The following STK39 variants were observed in gnomAD, a reference collection of about 807,000 sequenced individuals.
STK39 encodes the protein STE20/SPS1-related proline-alanine-rich protein kinase.
A neutral mutation model predicts 77.8 loss-of-function variants in STK39; 20 were observed. The ratio of observed to expected loss-of-function variants is 0.26; its 90% CI spans 0.18 to 0.37. The LOEUF (loss-of-function observed/expected upper bound fraction) is 0.37. STK39 is among the 10% of genes least tolerant of loss of function. STK39 has a pLI of 1.00. For missense variants in STK39, 479 were observed against 656.5 expected, an observed-to-expected ratio of 0.73 and a Z score of 2.95; for synonymous variants, 246 against 234.1, an observed-to-expected ratio of 1.05 and a Z score of -0.47.
intron 10 of STK39, among the ~76,000 whole-genome samples, chr2:168,085,197 G>A (rs1235376679): frequency 1.3e-5 from 2 of 152,222 alleles, no homozygotes; most frequent in Admixed American, 6.5e-5. Flanking sequence ...GAAGCAGTCT[G>A]AGAAGGCTCC....
chr2:168,193,892 A>T (rs1689403014), intron 1 of STK39, among the ~76,000 whole-genome samples: 2 of 152,254 alleles, frequency 1.3e-5, no homozygotes, highest in South Asian at 4.1e-4. Context: ...ACTTCCCTAA[A>T]TTATCCCCGA....
At chr2:168,072,254 ACT>A (rs1246522676) in intron 12 of STK39, among the ~76,000 whole-genome samples, 2 of 152,174 alleles carry the variant, frequency 1.3e-5, no homozygotes, top group African/African-American at 4.8e-5. Flanking sequence ...CTGGAAGAAA[ACT>A]CTGTTCAAAC....
chr2:168,123,244 G>T (rs544422815), intron 10 of STK39, among the ~76,000 whole-genome samples: 1 of 152,338 alleles, frequency 6.6e-6, no homozygotes, highest in African/African-American at 2.4e-5. Flanking sequence ...TACAGGAGGT[G>T]TAACAACTCA....
chr2:168,189,292 A>G (rs531089048), intron 1 of STK39, among the ~76,000 whole-genome samples: 4 of 152,258 alleles, frequency 2.6e-5, no homozygotes, highest in African/African-American at 4.8e-5. Flanking sequence ...CCATCTGATA[A>G]TACCACAGAA....
chr2:167,998,795 G>T lies in STK39; in HGVS notation c.1498+13839C>A, dbSNP rs2105293797. ...GCACATAAATGAACCCAGAACACTG[G>T]GACATCATCTCAGCTTTTATTTCTC... On this transcript the variant is annotated intron_variant, in intron 16 of 17. Transcript: ENST00000355999. 1.3e-5 allele frequency among the ~76,000 whole-genome samples: 2 copies of T among 152,232 alleles called. 1 individual carries two copies.
chr2:168,180,240 G>A (rs140213358), intron 2 of STK39, among the ~76,000 whole-genome samples: 3,574 of 152,098 alleles, frequency 0.023, 87 homozygotes, highest in East Asian at 0.076. Flanking sequence ...CCAGCTACTC[G>A]GGAGGCTAAA....
chr2:168,164,405 T>C (rs1313308183), intron 3 of STK39, among the ~76,000 whole-genome samples: 1 of 152,156 alleles, frequency 6.6e-6, no homozygotes, highest in East Asian at 1.9e-4. Flanking sequence ...TTTTCTTTCC[T>C]TCTTTTTCTT....
intron 14 of STK39, 97 bp from the exon 15 acceptor site, chr2:168,017,192 G>A: frequency 1.4e-6 from 1 of 727,806 alleles, no homozygotes; most frequent in Non-Finnish European, 2.1e-6. Flanking sequence ...CTAACATGTG[G>A]ATAACATTTT....
At position 168,039,339 on chromosome 2, in the gene STK39, T is replaced by C. The variant is rs563510970; in HGVS notation, c.1377-22244A>G. Among the ~76,000 whole-genome samples the C allele has an allele frequency of 6.8e-4, 13 of 18,998 alleles. 4 individuals are homozygous for C. The South Asian group carries it at 0.011, about 16-fold the overall frequency. 12.5% of individuals were successfully genotyped at this position (18,998 alleles called of 152,430 possible). Reference sequence around the variant, plus strand: ...CGGGCGCGGTGGCTCACGCCTGTAATCCCAGCACTTTGGGAGGCCGAGGCG... The same window carrying C: ...CGGGCGCGGTGGCTCACGCCTGTAACCCCAGCACTTTGGGAGGCCGAGGCG... On this transcript the variant is annotated intron_variant, in intron 14 of 17. Transcript: ENST00000355999.
intron 1 of STK39, among the ~76,000 whole-genome samples, chr2:168,231,377 G>A (rs1356529624): frequency 2.0e-5 from 3 of 151,972 alleles, no homozygotes; most frequent in Non-Finnish European, 2.9e-5. Flanking sequence ...AATAACAACA[G>A]AAAGGATTTC....
rs1313469462 is a variant in STK39 at position 168,170,783 on chromosome 2, G to T, written c.322-3376C>A. 2.0e-5 allele frequency among the ~76,000 whole-genome samples: 3 copies of T among 152,172 alleles called. No individual in the cohort carries two copies. In the East Asian group the frequency reaches 5.8e-4, roughly 29 times the overall value. ...CAGTACTGCCTGGCTGAGTCTAACT[G>T]GAGGAGAGTCTAACTGGAGGAGAGG... On this transcript the variant is annotated intron_variant, in intron 2 of 17. Transcript: ENST00000355999.
intron 16 of STK39, among the ~76,000 whole-genome samples, chr2:168,004,532 A>G (rs1684076516): frequency 6.6e-6 from 1 of 152,022 alleles, no homozygotes; most frequent in African/African-American, 2.4e-5. Flanking sequence ...GGAGATCGAG[A>G]CCATTCTGGG....
At chr2:168,079,693 A>G (rs1386764295) in intron 10 of STK39, among the ~76,000 whole-genome samples, 2 of 152,236 alleles carry the variant, frequency 1.3e-5, no homozygotes, top group African/African-American at 2.4e-5. Flanking sequence ...CTTTTCAATA[A>G]GATCCCCCAG....
chr2:168,089,738 C>T (rs1221262267), intron 10 of STK39, among the ~76,000 whole-genome samples: 4 of 152,162 alleles, frequency 2.6e-5, no homozygotes, highest in Non-Finnish European at 5.9e-5. Context: ...CTCAGCCTCC[C>T]GAGTAGCTGG....
At chr2:168,097,106 C>T (rs1402313557) in intron 10 of STK39, among the ~76,000 whole-genome samples, 1 of 152,212 alleles carries the variant, frequency 6.6e-6, no homozygotes, top group African/African-American at 2.4e-5. Flanking sequence ...TTTACCAACA[C>T]TCTGAAACAA....
At chr2:168,098,318 G>A (rs535160997) in intron 10 of STK39, among the ~76,000 whole-genome samples, 3 of 152,130 alleles carry the variant, frequency 2.0e-5, no homozygotes, top group East Asian at 3.9e-4. Context: ...TTATACTAGC[G>A]TCCTTTACTT....
At chr2:168,000,902 T>C (rs532091669) in intron 16 of STK39, among the ~76,000 whole-genome samples, 1 of 152,342 alleles carries the variant, frequency 6.6e-6, no homozygotes, top group South Asian at 2.1e-4. Flanking sequence ...GATGGTCTGA[T>C]TTTGAGTAAC....
chr2:168,152,801 A>G (rs1398493656), intron 5 of STK39, among the ~76,000 whole-genome samples: 1 of 152,236 alleles, frequency 6.6e-6, no homozygotes, highest in Non-Finnish European at 1.5e-5. Flanking sequence ...GGCCGGCCAT[A>G]TCCGCAGAGA....
In STK39 at chr2:167,993,468, C is replaced by T. The variant is rs548662785; in HGVS notation, c.1498+19166G>A. 1.1e-3 allele frequency among the ~76,000 whole-genome samples: 166 copies of T among 152,302 alleles called. 1 individual carries two copies. The Middle Eastern group carries it at 0.024, about 22-fold the overall frequency. On this transcript the variant is annotated intron_variant, in intron 16 of 17. Transcript: ENST00000355999. Reference sequence around the variant, plus strand: ...TTGGGAGGTCGAAGCGGGAGGATCGCTTGAGGCCAGGAGTTCAAGGAAACA... The same window carrying T: ...TTGGGAGGTCGAAGCGGGAGGATCGTTTGAGGCCAGGAGTTCAAGGAAACA...
Sources: allele counts gnomAD v4.1 joint callset (sites outside exome capture counted in the v4.1 genomes callset), GRCh38; gene constraint gnomAD v4.1.1; transcripts MANE v1.5; gene names NCBI Gene and HGNC (gene_info 2026-07-23, HGNC 2026-07-21).